UMAD1: variants seen among roughly 807,000 people sequenced by gnomAD.
UMAD1 encodes the protein UBAP1-MVB12-associated (UMA)-domain containing protein 1.
In UMAD1, 8 loss-of-function variants were observed where a neutral mutation model predicts 6.1. That is an observed-to-expected ratio of 1.30 (90% confidence interval 0.76 to 2.35). UMAD1 has a LOEUF of 2.35. UMAD1 is among the 30% of genes most tolerant of loss of function. UMAD1 has a pLI of 0.00. For synonymous variants in UMAD1, 56 were observed against 31.4 expected (o/e 1.78, Z -2.61); for missense variants, 130 against 78.4 (o/e 1.66, Z -2.49).
chr7:7,819,017 T>C (rs1451047947), intron 3 of UMAD1, among the ~76,000 whole-genome samples: 1 of 152,084 alleles, frequency 6.6e-6, no homozygotes, highest in Non-Finnish European at 1.5e-5. Context: ...ACCCAGCTAA[T>C]TTTTGTATTT....
At chr7:7,716,952 A>G (rs1263869950) in intron 2 of UMAD1, among the ~76,000 whole-genome samples, 1 of 152,130 alleles carries the variant, frequency 6.6e-6, no homozygotes, top group African/African-American at 2.4e-5. Context: ...ACCGCCTCCT[A>G]TAAAACCAAC....
At chr7:7,695,777 G>A (rs1307136794) in intron 2 of UMAD1, among the ~76,000 whole-genome samples, 1 of 152,162 alleles carries the variant, frequency 6.6e-6, no homozygotes, top group African/African-American at 2.4e-5. Context: ...CTGTCAATGT[G>A]TCACCTTTAG....
chr7:7,643,799 G>A (rs1422150422), intron 1 of UMAD1, among the ~76,000 whole-genome samples: 2 of 151,090 alleles, frequency 1.3e-5, no homozygotes, highest in African/African-American at 2.4e-5. Flanking sequence ...TCACATTCCC[G>A]CTTGGGTCTC....
chr7:7,654,918 A>AT (rs1266364884), intron 1 of UMAD1, among the ~76,000 whole-genome samples: 12 of 148,508 alleles, frequency 8.1e-5, no homozygotes, highest in Admixed American at 3.4e-4. Flanking sequence ...AAAAAAAAAA[A>AT]TTTGTGATAT....
At position 7,696,741 on chromosome 7, in the gene UMAD1, C is replaced by T. The variant is rs984893252; in HGVS notation, c.82+23288C>T. 9.9e-5 allele frequency among the ~76,000 whole-genome samples: 15 copies of T among 152,148 alleles called. No homozygotes were observed. The East Asian group carries it at 1.3e-3, about 14-fold the overall frequency. On this transcript the variant is annotated intron_variant, in intron 2 of 3. Coordinates refer to ENST00000682710, the MANE Select transcript of UMAD1 (RefSeq NM_001302348.2). The stretch of plus-strand genomic sequence containing the variant: ...CTCAAAGTCAGCTCTCAATAGTGGG[C>T]ACTGATTCTTGCCAACTGGTTTACC...
chr7:7,783,861 G>A (rs1782401844), intron 2 of UMAD1, among the ~76,000 whole-genome samples: 1 of 152,168 alleles, frequency 6.6e-6, no homozygotes, highest in Non-Finnish European at 1.5e-5. Context: ...TTCTGGTTAA[G>A]CAAAATAAGA....
intron 2 of UMAD1, among the ~76,000 whole-genome samples, chr7:7,728,841 T>TGAA: frequency 6.6e-6 from 1 of 152,168 alleles, no homozygotes; most frequent in Non-Finnish European, 1.5e-5. Flanking sequence ...TCAACAATAT[T>TGAA]TATAGTGGGC....
At chr7:7,686,611 T>C (rs1780046869) in intron 2 of UMAD1, among the ~76,000 whole-genome samples, 1 of 152,166 alleles carries the variant, frequency 6.6e-6, no homozygotes, top group African/African-American at 2.4e-5. Flanking sequence ...CAACAACAAA[T>C]TAATAAACTT....
At chr7:7,870,268 G>A (rs6958752) in intron 3 of UMAD1, among the ~76,000 whole-genome samples, 103,241 of 152,050 alleles carry the variant, frequency 0.68, 35,192 homozygotes, top group African/African-American at 0.72. Context: ...ATTTAAACTA[G>A]GTAAGGGCAA....
intron 2 of UMAD1, among the ~76,000 whole-genome samples, chr7:7,698,870 CTTTTTTTTTT>C (rs57968079): frequency 7.6e-6 from 1 of 131,956 alleles, no homozygotes; most frequent in Non-Finnish European, 1.6e-5. Context: ...ACCCTCTTGT[CTTTTTTTTTT>C]TTTTTTTTGA....
At chr7:7,810,029 A>G (rs946306572) in intron 3 of UMAD1, among the ~76,000 whole-genome samples, 6 of 152,046 alleles carry the variant, frequency 3.9e-5, no homozygotes, top group Non-Finnish European at 8.8e-5. Context: ...AAAGTATAGA[A>G]AAAAGGAGAC....
chr7:7,692,734 C>T (rs776108278), intron 2 of UMAD1, among the ~76,000 whole-genome samples: 7 of 152,210 alleles, frequency 4.6e-5, no homozygotes, highest in Middle Eastern at 6.8e-3. Context: ...CTCAGCCTCC[C>T]GAGTAGTTGG....
intron 2 of UMAD1, among the ~76,000 whole-genome samples, chr7:7,746,044 C>G (rs191239292): frequency 3.9e-5 from 6 of 152,244 alleles, no homozygotes; most frequent in Non-Finnish European, 7.4e-5. Context: ...CCAATTGGTG[C>G]CTTTCTGAAG....
intron 2 of UMAD1, among the ~76,000 whole-genome samples, chr7:7,730,439 G>C (rs897325078): frequency 2.0e-5 from 3 of 152,054 alleles, no homozygotes; most frequent in Non-Finnish European, 4.4e-5. Flanking sequence ...CTCTCTGCTA[G>C]TCCTCATTTT....
intron 2 of UMAD1, among the ~76,000 whole-genome samples, chr7:7,777,871 C>G (rs1428035335): frequency 2.0e-5 from 3 of 152,002 alleles, no homozygotes; most frequent in Non-Finnish European, 2.9e-5. Context: ...AATCCTTTAC[C>G]AGTAACTTCA....
At chr7:7,763,168 T>C (rs1214110176) in intron 2 of UMAD1, among the ~76,000 whole-genome samples, 1 of 152,206 alleles carries the variant, frequency 6.6e-6, no homozygotes, top group Non-Finnish European at 1.5e-5. Flanking sequence ...ATTTAAAATA[T>C]TAAATATGGA....
intron 3 of UMAD1, among the ~76,000 whole-genome samples, chr7:7,804,411 AC>A (rs1309199399): frequency 4.6e-5 from 7 of 152,296 alleles, no homozygotes; most frequent in Non-Finnish European, 8.8e-5. Flanking sequence ...GGTGGCTCAC[AC>A]CTGTAATCCC....
intron 2 of UMAD1, among the ~76,000 whole-genome samples, chr7:7,772,902 AT>A (rs202148602): frequency 1.1e-4 from 16 of 150,836 alleles, no homozygotes; most frequent in African/African-American, 2.2e-4. Flanking sequence ...AGCCTTTTTT[AT>A]TTTTTTTTAA....
chr7:7,642,640 A>G (rs1785000401), intron 1 of UMAD1, among the ~76,000 whole-genome samples: 1 of 152,212 alleles, frequency 6.6e-6, no homozygotes, highest in Non-Finnish European at 1.5e-5. Flanking sequence ...TTAAAATATT[A>G]TAAAATACAT....
Sources: allele counts gnomAD v4.1 joint callset (sites outside exome capture counted in the v4.1 genomes callset), GRCh38; gene constraint gnomAD v4.1.1; transcripts MANE v1.5; gene names NCBI Gene and HGNC (gene_info 2026-07-23, HGNC 2026-07-21).